The following MCTP2 variants were observed in gnomAD, a reference collection of about 807,000 sequenced individuals.
MCTP2 encodes the protein multiple C2 and transmembrane domain-containing protein 2.
MCTP2 carries 132 observed loss-of-function variants against 111.6 expected under a neutral mutation model. The observed-to-expected ratio is 1.18, with a 90% confidence interval of 1.03 to 1.37. The LOEUF (loss-of-function observed/expected upper bound fraction) is 1.37, where lower values mean the gene tolerates loss of function less well. MCTP2 is among the 40% of genes most tolerant of loss of function. The pLI, the probability that MCTP2 is intolerant of heterozygous loss-of-function variation, is 0.00. For missense variants in MCTP2, 1,183 were observed against 1,067.9 expected (o/e 1.11, Z -1.50); for synonymous variants, 395 against 387.7 (o/e 1.02, Z -0.22).
intron 14 of MCTP2, among the ~76,000 whole-genome samples, chr15:94,391,342 A>G (rs2080964626): frequency 6.6e-6 from 1 of 152,198 alleles, no homozygotes; most frequent in African/African-American, 2.4e-5. Flanking sequence ...TTGAACAGTC[A>G]TAGGTTGTTT....
At chr15:94,313,895 GGATCCT>G (rs1403314733) in intron 2 of MCTP2, among the ~76,000 whole-genome samples, 1 of 152,192 alleles carries the variant, frequency 6.6e-6, no homozygotes, top group East Asian at 1.9e-4. Flanking sequence ...TCGATTCTCT[GGATCCT>G]GAGCTGCTCG....
intron 12 of MCTP2, among the ~76,000 whole-genome samples, chr15:94,379,771 A>C (rs972455873): frequency 6.8e-5 from 10 of 146,908 alleles, no homozygotes; most frequent in Non-Finnish European, 9.0e-5. Flanking sequence ...AATATATGAT[A>C]TGTAATATAT....
At chr15:94,458,581 A>ATG (rs2084986307) in intron 20 of MCTP2, among the ~76,000 whole-genome samples, 1 of 152,240 alleles carries the variant, frequency 6.6e-6, no homozygotes, top group Non-Finnish European at 1.5e-5. Flanking sequence ...AGAGAAGCAA[A>ATG]TGTGCTATAC....
At chr15:94,449,727 A>G (rs1177352835) in intron 19 of MCTP2, among the ~76,000 whole-genome samples, 2 of 152,202 alleles carry the variant, frequency 1.3e-5, no homozygotes, top group Non-Finnish European at 2.9e-5. Flanking sequence ...GAATCTTAAT[A>G]ATGATTTTTT....
At chr15:94,416,349 T>G (rs1045825223) in intron 17 of MCTP2, among the ~76,000 whole-genome samples, 1 of 152,130 alleles carries the variant, frequency 6.6e-6, no homozygotes, top group Non-Finnish European at 1.5e-5. Context: ...TGTATAAAGC[T>G]GTCAGTGTAT....
At chr15:94,478,721 G>A (rs919631529) in intron 22 of MCTP2, among the ~76,000 whole-genome samples, 1 of 152,176 alleles carries the variant, frequency 6.6e-6, no homozygotes, top group Non-Finnish European at 1.5e-5. Context: ...AGTGCCCAGC[G>A]AAGGTAGAAA....
intron 8 of MCTP2, among the ~76,000 whole-genome samples, chr15:94,346,525 C>T (rs1037802482): frequency 8.5e-5 from 13 of 152,104 alleles, no homozygotes; most frequent in African/African-American, 1.7e-4. Context: ...TGTAACCACC[C>T]AAAGCAGTAA....
At chr15:94,424,978 CTGTT>C (rs1425764178) in intron 17 of MCTP2, among the ~76,000 whole-genome samples, 1 of 151,640 alleles carries the variant, frequency 6.6e-6, no homozygotes, top group Non-Finnish European at 1.5e-5. Context: ...TTTTTTCATG[CTGTT>C]TGTTTTACCT....
At chr15:94,426,919 A>G (rs1596671415) in intron 17 of MCTP2, among the ~76,000 whole-genome samples, 1 of 152,224 alleles carries the variant, frequency 6.6e-6, no homozygotes, top group East Asian at 1.9e-4. Flanking sequence ...TTGGATTCTC[A>G]ACAAAACCAT....
chr15:94,430,611 C>G (rs56110634), intron 17 of MCTP2, among the ~76,000 whole-genome samples: 62,333 of 147,596 alleles, frequency 0.42, 13,346 homozygotes, highest in Middle Eastern at 0.48. Context: ...AGCTGGGCGT[C>G]GTGGTGGGCG....
chr15:94,246,011 G>A (rs2071973694), intron 1 of MCTP2, among the ~76,000 whole-genome samples: 1 of 152,108 alleles, frequency 6.6e-6, no homozygotes. Flanking sequence ...GATGAGGTCT[G>A]TGTAGGCTGA....
intron 19 of MCTP2, among the ~76,000 whole-genome samples, chr15:94,447,358 T>G (rs1431743686): frequency 6.6e-6 from 1 of 152,164 alleles, no homozygotes; most frequent in African/African-American, 2.4e-5. Context: ...GAGAGTAGTT[T>G]TGTCTATAAT....
intron 1 of MCTP2, 33 bp from the exon 2 acceptor site, chr15:94,298,163 TGTTTG>T: frequency 1.2e-5 from 10 of 861,186 alleles, no homozygotes; most frequent in Admixed American, 1.1e-4. Flanking sequence ...TTTTTTTTTT[TGTTTG>T]TTTGTTTTTT....
At chr15:94,416,189 C>T (rs957240456) in intron 17 of MCTP2, among the ~76,000 whole-genome samples, 1 of 151,966 alleles carries the variant, frequency 6.6e-6, no homozygotes, top group African/African-American at 2.4e-5. Flanking sequence ...ACGTAGCTTC[C>T]GAAAGAGACC....
chr15:94,302,736 A>C (rs1252275133), intron 2 of MCTP2, among the ~76,000 whole-genome samples: 1 of 152,170 alleles, frequency 6.6e-6, no homozygotes, highest in Non-Finnish European at 1.5e-5. Flanking sequence ...CAAGCCAAAC[A>C]TCTGTGAATA....
Position 94,388,906 on chromosome 15 carries a change from A to G in MCTP2, c.1788+3381A>G, listed in dbSNP as rs114830948. ...TTGCCACAGTGAGTAATTATTAAGT[A>G]TATATCATCTCCAAAGCAAGAATCA... On this transcript the variant is annotated intron_variant, in intron 14 of 22. Transcript: ENST00000357742. 6.2e-3 allele frequency among the ~76,000 whole-genome samples: 946 copies of G among 152,308 alleles called. 10 individuals are homozygous for G. The highest frequency in any genetic ancestry group is 0.022 in the African/African-American group (909 of 41,564).
intron 12 of MCTP2, among the ~76,000 whole-genome samples, chr15:94,380,200 A>G (rs2080052377): frequency 6.6e-6 from 1 of 152,060 alleles, no homozygotes; most frequent in African/African-American, 2.4e-5. Flanking sequence ...CTGCATCAGG[A>G]CCCTTAAGTG....
chr15:94,353,433 G>A (rs2078427196), intron 8 of MCTP2, among the ~76,000 whole-genome samples: 1 of 152,114 alleles, frequency 6.6e-6, no homozygotes, highest in Non-Finnish European at 1.5e-5. Flanking sequence ...GAGCTAAGTG[G>A]AGCTGTTTTA....
chr15:94,476,485 T>C, intron 21 of MCTP2: 1 of 399,128 alleles, frequency 2.5e-6, no homozygotes, highest in Non-Finnish European at 4.6e-6. Flanking sequence ...GACAGCAACA[T>C]GTGCTTGACT....
Sources: gnomAD v4.1 joint callset for allele counts (sites outside exome capture counted in the v4.1 genomes callset) on GRCh38, gnomAD v4.1.1 for gene constraint, MANE v1.5 for transcripts, NCBI Gene and HGNC (gene_info 2026-07-23, HGNC 2026-07-21) for gene names.